Variants in OTOG observed in about 807,000 individuals in gnomAD.
OTOG encodes otogelin.
In OTOG, 296 loss-of-function variants were observed where a neutral mutation model predicts 313.8. The observed-to-expected ratio is 0.94, with a 90% CI of 0.86 to 1.04. OTOG has a LOEUF of 1.04. Ranked by LOEUF, OTOG falls within the 50% of genes least tolerant of loss-of-function variation. The probability of loss-of-function intolerance (pLI) is 0.00; values close to 1 mark genes in which losing one functional copy is unlikely to be tolerated. For missense variants in OTOG, 3,948 were observed against 3,840.1 expected, an observed-to-expected ratio of 1.03 and a Z score of -0.74; for synonymous variants, 1,533 against 1,554.9, an observed-to-expected ratio of 0.99 and a Z score of 0.33.
At chr11:17,600,910 C>T (rs966976644) in intron 31 of OTOG, among the ~76,000 whole-genome samples, 2 of 152,216 alleles carry the variant, frequency 1.3e-5, no homozygotes, top group East Asian at 1.9e-4. Flanking sequence ...TGCTCTGGTC[C>T]GGGCCCGCCA....
At chr11:17,635,016 G>T in intron 45 of OTOG, 64 bp from the exon 46 acceptor site, 4 of 1,533,498 alleles carry the variant, frequency 2.6e-6, no homozygotes, top group Non-Finnish European at 3.5e-6. Flanking sequence ...AGCTCTGGGG[G>T]CAGGGGCCCA....
At chr11:17,626,143 C>A (rs1254695855) in intron 39 of OTOG, among the ~76,000 whole-genome samples, 1 of 152,068 alleles carries the variant, frequency 6.6e-6, no homozygotes, top group Non-Finnish European at 1.5e-5. Flanking sequence ...GTTCTCTATT[C>A]TGTTCCATTA....
chr11:17,614,639 A>G (rs192200956), intron 39 of OTOG, among the ~76,000 whole-genome samples: 24 of 152,104 alleles, frequency 1.6e-4, no homozygotes, highest in Non-Finnish European at 2.8e-4. Flanking sequence ...CGCTGCCCCT[A>G]TAGTTATGCC....
intron 40 of OTOG, among the ~76,000 whole-genome samples, chr11:17,631,270 C>T (rs1185704044): frequency 6.6e-6 from 1 of 151,256 alleles, no homozygotes; most frequent in African/African-American, 2.4e-5. Context: ...TGTAATATAG[C>T]AAAGCTTATA....
In OTOG at chr11:17,558,199, G is replaced by C. The variant is rs919867507; in HGVS notation, c.880G>C (p.Asp294His). Residue 294 changes from aspartate (D) to histidine (H), a missense_variant, in exon 9 of 56, where the codon GAC (aspartate) becomes CAC (histidine). Physicochemically the swap from Asp to His is moderately conservative, Grantham distance 81. Transcript: ENST00000399397. ...CCCTCCTCCAGGGAAGCTGACTGAC[G>C]ACGTGGTTGAGTTTGTGCACAGCTG... ...LVTSSGKLTD[D>H]VVEFVHSWQE... is the part of the protein sequence containing the mutation. 1.3e-6 allele frequency: 2 copies of C among 1,550,376 alleles called. No homozygotes were observed. The highest frequency in any genetic ancestry group is 2.0e-5 in the Admixed American group (1 of 50,984).
At chr11:17,643,337 C>T (rs1008855063) in intron 53 of OTOG, 124 bp from the exon 54 acceptor site, 3 of 615,400 alleles carry the variant, frequency 4.9e-6, no homozygotes, top group African/African-American at 3.8e-5. Flanking sequence ...TATGCTCCTG[C>T]CCTGGGGCAT....
Position 17,631,764 on chromosome 11 carries a change from G to T in OTOG, c.6775G>T (p.Ala2259Ser). Residue 2259 changes from alanine (A) to serine (S), a missense_variant, in exon 41 of 56, where the codon GCT becomes TCT. Ala to Ser is a moderately conservative substitution (Grantham distance 99). Transcript: ENST00000399397. Reference protein sequence around the residue: ...TLKDGSVVGGAEDPAPFLDSW... With the variant: ...TLKDGSVVGGSEDPAPFLDSW... Reference sequence around the variant, plus strand: ...GAAGGATGGCTCAGTGGTGGGTGGGGCTGAGGACCCTGCTCCCTTTCTGGA... The same window carrying T: ...GAAGGATGGCTCAGTGGTGGGTGGGTCTGAGGACCCTGCTCCCTTTCTGGA... The T allele has an allele frequency of 6.4e-7, 1 of 1,550,608 alleles. No individual in the cohort carries two copies. The highest frequency in any genetic ancestry group is 8.7e-7 in the Non-Finnish European group (1 of 1,147,004).
In OTOG at chr11:17,599,690, T is replaced by C. The variant is rs1853198039; in HGVS notation, c.3702T>C (p.Phe1234=). Residue 1234 remains phenylalanine, a synonymous_variant, in exon 31 of 56, where the codon TTT becomes TTC. Transcript: ENST00000399397. ...PRLCPYDCDF[F]NKVLGKGPYQ... ...TTTCAGCGTATGACTGTGACTTCTT[T>C]AACAAAGGTAAGCCCCTCCTCCCCA... 3.9e-6 allele frequency: 6 copies of C among 1,550,560 alleles called. No individual in the cohort carries two copies. Among genetic ancestry groups the C allele is most frequent in the Middle Eastern group, 1.7e-4 (1 of 6,014 alleles).
intron 28 of OTOG, among the ~76,000 whole-genome samples, chr11:17,594,454 A>G (rs1853040480): frequency 6.6e-6 from 1 of 152,206 alleles, no homozygotes; most frequent in Admixed American, 6.5e-5. Context: ...ATGGTCACTC[A>G]TGATGATGCT....
At chr11:17,567,299 C>T (rs1209427222) in intron 15 of OTOG, among the ~76,000 whole-genome samples, 1 of 152,132 alleles carries the variant, frequency 6.6e-6, no homozygotes, top group Non-Finnish European at 1.5e-5. Context: ...TTTCTGTACT[C>T]CTGGGCAGGA....
chr11:17,590,169 A>G (rs1852897893), intron 24 of OTOG, among the ~76,000 whole-genome samples: 1 of 152,018 alleles, frequency 6.6e-6, no homozygotes, highest in Admixed American at 6.6e-5. Context: ...ATGCTTCTCA[A>G]CTCTAGGCTC....
chr11:17,573,426 T>A, intron 19 of OTOG, 136 bp downstream of exon 19: 1 of 908,036 alleles, frequency 1.1e-6, no homozygotes, highest in Non-Finnish European at 1.6e-6. Flanking sequence ...CTGCTTCTCC[T>A]CCTGCACCCT....
At chr11:17,613,340 C>T (rs1273547844) in intron 38 of OTOG, among the ~76,000 whole-genome samples, 1 of 108,698 alleles carries the variant, frequency 9.2e-6, no homozygotes. Context: ...TTCCTTCCTT[C>T]CTTCCTTCCT....
chr11:17,641,888 C>A lies in OTOG; in HGVS notation c.8232C>A (p.Cys2744Ter). 6.5e-7 allele frequency: 1 copy of A among 1,550,280 alleles called. No homozygotes were observed. The part of the protein sequence containing the change: ...YEHPRDLAAC[C>*]GSCRNVSCLF... ...ACCCGCGGGACCTCGCTGCCTGCTG[C>A]GGCTCCTGCAGGAACGTGTCCTGTC... Residue 2744 changes from cysteine (C) to a stop codon, truncating the protein, a stop_gained, in exon 52 of 56, where the codon TGC becomes TGA. Transcript: ENST00000399397. LOFTEE classifies it high-confidence loss of function.
chr11:17,587,565 T>A (rs10832815), intron 24 of OTOG, among the ~76,000 whole-genome samples: 36,188 of 152,064 alleles, frequency 0.24, 5,114 homozygotes, highest in African/African-American at 0.41. Context: ...CCCTGTCCCA[T>A]GCTGGGACTG....
In OTOG at chr11:17,557,227, G is replaced by C; in HGVS notation, c.769G>C (p.Val257Leu). The C allele has an allele frequency of 6.4e-7, 1 of 1,550,636 alleles. No individual in the cohort carries two copies. The highest frequency in any genetic ancestry group is 8.7e-7 in the Non-Finnish European group (1 of 1,147,006). ...FTLAWDGASA[V>L]YIKMSPELLG... ...ACTGGCCTGGGATGGTGCCTCGGCT[G>C]TCTACATCAAGATGAGTCCAGAGCT... is the stretch of plus-strand genomic sequence containing the variant. Residue 257 changes from valine (V) to leucine (L), a missense_variant, in exon 8 of 56, where the codon GTC becomes CTC. Transcript: ENST00000399397.
At chr11:17,599,791 T>G in intron 31 of OTOG, 94 bp downstream of exon 31, 1 of 1,437,674 alleles carries the variant, frequency 7.0e-7, no homozygotes, top group Non-Finnish European at 9.5e-7. Flanking sequence ...GAGGCGCTGC[T>G]GGCCCTGGAA....
At chr11:17,626,982 T>C (rs191299195) in intron 39 of OTOG, among the ~76,000 whole-genome samples, 7 of 152,392 alleles carry the variant, frequency 4.6e-5, no homozygotes. Context: ...TCTGCAACTT[T>C]ACTGAATTTT....
At chr11:17,555,485 C>T (rs951350351) in intron 6 of OTOG, among the ~76,000 whole-genome samples, 5 of 152,090 alleles carry the variant, frequency 3.3e-5, no homozygotes, top group African/African-American at 7.3e-5. Flanking sequence ...TTCAGAAATA[C>T]GGAGATGGCA....
Sources: gnomAD v4.1 joint callset for allele counts (sites outside exome capture counted in the v4.1 genomes callset) on GRCh38, gnomAD v4.1.1 for gene constraint, MANE v1.5 for transcripts, NCBI Gene and HGNC (gene_info 2026-07-23, HGNC 2026-07-21) for gene names.